UTP20: variants seen among roughly 807,000 people sequenced by gnomAD.
UTP20 encodes small subunit processome component 20 homolog.
Under a neutral mutation model 329.5 loss-of-function variants are expected in UTP20, and 164 were observed. The observed-to-expected ratio is 0.50, with a 90% CI of 0.44 to 0.57. The LOEUF (loss-of-function observed/expected upper bound fraction) is 0.57. UTP20 is among the 20% of genes least tolerant of loss of function. The probability of loss-of-function intolerance (pLI) is 0.00; values close to 1 mark genes in which losing one functional copy is unlikely to be tolerated. For missense variants in UTP20, 3,055 were observed against 3,284.2 expected, an observed-to-expected ratio of 0.93 and a Z score of 1.71; for synonymous variants, 1,151 against 1,159.3, an observed-to-expected ratio of 0.99 and a Z score of 0.14.
At chr12:101,314,984 T>C (rs1234868477) in intron 21 of UTP20, among the ~76,000 whole-genome samples, 3 of 151,990 alleles carry the variant, frequency 2.0e-5, no homozygotes, top group Admixed American at 6.6e-5. Flanking sequence ...TCCCAGCTAT[T>C]TGGGAGGCTG....
At position 101,383,053 on chromosome 12, in the gene UTP20, T is replaced by A; in HGVS notation, c.7669T>A (p.Leu2557Met). 1 of 1,593,240 alleles carries A rather than the reference T, an allele frequency of 6.3e-7. No individual in the cohort carries two copies. The change falls in exon 59 of 62, where the codon TTG becomes ATG. Residue 2557 changes from leucine (L) to methionine (M), a missense_variant. By Grantham distance (15) the Leu-to-Met change is conservative. Coordinates refer to ENST00000261637, the MANE Select transcript of UTP20 (RefSeq NM_014503.3). ...QSLGEQVVKN[L>M]LFAAKVLYLL... ...TTTTTTTTTAAAGGTTGTTAAGAAT[T>A]TGTTGTTCGCAGCCAAAGTCTTGTA...
intron 5 of UTP20, among the ~76,000 whole-genome samples, chr12:101,288,701 C>T (rs1272255118): frequency 6.6e-6 from 1 of 152,184 alleles, no homozygotes; most frequent in Non-Finnish European, 1.5e-5. Flanking sequence ...TCATTCAGAG[C>T]TCATTACAAA....
At chr12:101,313,769 G>C (rs1872873793) in intron 21 of UTP20, among the ~76,000 whole-genome samples, 1 of 151,878 alleles carries the variant, frequency 6.6e-6, no homozygotes, top group Admixed American at 6.6e-5. Context: ...GGGAGGGACA[G>C]AATCAAGGAT....
Position 101,338,064 on chromosome 12 carries a change from C to T in UTP20, c.3655C>T (p.Leu1219=). Residue 1219 remains leucine, a synonymous_variant, in exon 30 of 62, where the codon CTG becomes TTG. Coordinates refer to ENST00000261637, the MANE Select transcript of UTP20 (RefSeq NM_014503.3). ...WSRNARYFPL[L]AKQKPGHPEC... is the part of the protein sequence containing the mutation. The stretch of plus-strand genomic sequence containing the variant: ...TTTTTCTTCCAGATATTTCCCTTTG[C>T]TGGCTAAACAGAAGCCTGGGCACCC... The T allele has an allele frequency of 1.9e-6, 3 of 1,614,084 alleles. No individual in the cohort carries two copies. The highest frequency in any genetic ancestry group is 2.5e-6 in the Non-Finnish European group (3 of 1,179,978).
chr12:101,295,871 A>G (rs1038793737), intron 12 of UTP20, among the ~76,000 whole-genome samples: 2 of 152,226 alleles, frequency 1.3e-5, no homozygotes, highest in African/African-American at 4.8e-5. Context: ...GAACATAGAA[A>G]AACATGTGGA....
In UTP20 at chr12:101,379,483, G is replaced by T; in HGVS notation, c.7509G>T (p.Trp2503Cys). ...AGCCAGAGGAGCTTATTCAAAAATG[G>T]AATACCAAAAAGACCAAAAAACACC... ...SCQPEELIQK[W>C]NTKKTKKHLP... The change falls in exon 57 of 62, where the codon TGG becomes TGT. Residue 2503 changes from tryptophan to cysteine, a missense_variant. Physicochemically the swap from Trp to Cys is radical, Grantham distance 215. Transcript: ENST00000261637. 1 of 1,614,062 alleles carries T rather than the reference G, an allele frequency of 6.2e-7. No individual in the cohort carries two copies. The highest frequency in any genetic ancestry group is 8.5e-7 in the Non-Finnish European group (1 of 1,179,982).
In UTP20 at chr12:101,366,517, A is replaced by G. The variant is rs765890195; in HGVS notation, c.6126-41A>G. Reference sequence around the variant, plus strand: ...ACTCTAACTTCTTGGAATGCAGCTGACAGTGTTCTTTACCCTCTTCTCATG... The same window carrying G: ...ACTCTAACTTCTTGGAATGCAGCTGGCAGTGTTCTTTACCCTCTTCTCATG... On this transcript the variant is annotated intron_variant, in intron 46 of 61. Transcript: ENST00000261637. 3.8e-6 allele frequency: 6 copies of G among 1,577,718 alleles called. No individual in the cohort carries two copies. In the South Asian group the frequency reaches 6.9e-5, roughly 18 times the overall value.
chr12:101,341,243 G>T (rs1219876711), intron 32 of UTP20, among the ~76,000 whole-genome samples: 1 of 152,082 alleles, frequency 6.6e-6, no homozygotes, highest in African/African-American at 2.4e-5. Context: ...CTCCCAAAGT[G>T]CTGGGATTAC....
At chr12:101,312,488 CA>C (rs1224805498) in intron 21 of UTP20, among the ~76,000 whole-genome samples, 2 of 152,128 alleles carry the variant, frequency 1.3e-5, no homozygotes, top group Non-Finnish European at 2.9e-5. Flanking sequence ...TCTTGTTGCC[CA>C]GGGGTGCAGT....
intron 15 of UTP20, among the ~76,000 whole-genome samples, chr12:101,304,445 T>C (rs887237071): frequency 2.6e-5 from 4 of 152,210 alleles, no homozygotes; most frequent in African/African-American, 9.6e-5. Flanking sequence ...AATTCCATGA[T>C]GTGTGGGTAC....
rs1170048931 is a variant in UTP20, at chr12:101,383,600, G to A, written c.7987G>A (p.Val2663Ile). The change falls in exon 60 of 62, where the codon GTA becomes ATA. Residue 2663 changes from valine to isoleucine, a missense_variant. Coordinates refer to ENST00000261637, the MANE Select transcript of UTP20 (RefSeq NM_014503.3). ...AVAMDLGIDK[V>I]KPYLPMIIAP... ...AGCAATGGATCTTGGGATAGACAAG[G>A]TAAAGCCGTATCTCCCAATGATCAT... is the stretch of plus-strand genomic sequence containing the variant. The A allele has an allele frequency of 6.2e-7, 1 of 1,613,734 alleles. No individual in the cohort carries two copies. Among genetic ancestry groups the A allele is most frequent in the Non-Finnish European group, 8.5e-7 (1 of 1,179,878 alleles).
intron 33 of UTP20, 65 bp from the exon 34 acceptor site, chr12:101,342,722 G>T: frequency 6.4e-7 from 1 of 1,554,480 alleles, no homozygotes; most frequent in Non-Finnish European, 8.8e-7. Flanking sequence ...AGGTAGCTGA[G>T]GGGAGGAGGG....
chr12:101,290,845 A>G lies in UTP20; in HGVS notation c.848A>G (p.Tyr283Cys). ...LKNMVKSTVSYISKEHFGTFF... is the reference protein window; with the variant it reads ...LKNMVKSTVSCISKEHFGTFF... ...AACATGGTCAAATCCACTGTATCCT[A>G]CATCTCCAAGGAACATTTTGGTACA... Residue 283 changes from tyrosine to cysteine, a missense_variant, in exon 8 of 62, where the codon TAC (tyrosine) becomes TGC (cysteine). By Grantham distance (194) the Tyr-to-Cys change is radical. Coordinates refer to ENST00000261637, the MANE Select transcript of UTP20 (RefSeq NM_014503.3). The G allele has an allele frequency of 2.5e-6, 4 of 1,613,852 alleles. No homozygotes were observed. Among genetic ancestry groups the G allele is most frequent in the Middle Eastern group, 1.7e-4 (1 of 6,054 alleles).
intron 61 of UTP20, 78 bp from the exon 62 acceptor site, chr12:101,385,890 C>T: frequency 6.9e-7 from 1 of 1,452,590 alleles, no homozygotes; most frequent in Non-Finnish European, 9.2e-7. Flanking sequence ...GTGTTTTTTA[C>T]ATTTATTTCT....
At chr12:101,309,890 A>T in intron 19 of UTP20, 51 bp downstream of exon 19, 1 of 1,505,590 alleles carries the variant, frequency 6.6e-7, no homozygotes, top group Non-Finnish European at 9.2e-7. Context: ...CTACTGCAGA[A>T]TGATGGGGCC....
At chr12:101,293,327 CTGTT>C (rs1872234607) in intron 11 of UTP20, 82 bp downstream of exon 11, 1 of 1,351,902 alleles carries the variant, frequency 7.4e-7, no homozygotes, top group Non-Finnish European at 1.0e-6. Context: ...CCTGTTATTT[CTGTT>C]TGTTTTTTGA....
Position 101,317,475 on chromosome 12 carries a change from T to C in UTP20, c.2553-3T>C, listed in dbSNP as rs754909271. 6.2e-7 allele frequency: 1 copy of C among 1,613,560 alleles called. No homozygotes were observed. The highest frequency in any genetic ancestry group is 8.5e-7 in the Non-Finnish European group (1 of 1,179,726). ...GTATCCTGTGACTTTCTTTCCACGG[T>C]AGCAATGAGTATTACCCAGCAGATC... is the stretch of plus-strand genomic sequence containing the variant. On this transcript the variant is annotated splice_polypyrimidine_tract_variant and splice_region_variant and intron_variant, in intron 21 of 61. Transcript: ENST00000261637.
chr12:101,285,799 G>C lies in UTP20; in HGVS notation c.244G>C (p.Val82Leu), dbSNP rs762468305. 6.2e-7 allele frequency: 1 copy of C among 1,613,722 alleles called. No individual in the cohort carries two copies. The highest frequency in any genetic ancestry group is 8.5e-7 in the Non-Finnish European group (1 of 1,179,892). Residue 82 changes from valine to leucine, a missense_variant, in exon 4 of 62, where the codon GTG becomes CTG. Physicochemically the swap from Val to Leu is conservative, Grantham distance 32 (BLOSUM62 1). Transcript: ENST00000261637. ...IDKCQSFNQL[V>L]YHQNEIVQSL... The stretch of plus-strand genomic sequence containing the variant: ...CAAATGCCAATCATTCAATCAGTTG[G>C]TGTATCACCAAAACGAGATAGTTCA...
chr12:101,346,487 A>C lies in UTP20; in HGVS notation c.4783A>C (p.Lys1595Gln). The C allele has an allele frequency of 1.9e-6, 3 of 1,609,656 alleles. No homozygotes were observed. Among genetic ancestry groups the C allele is most frequent in the Non-Finnish European group, 2.5e-6 (3 of 1,178,402 alleles). Residue 1595 changes from lysine to glutamine, a missense_variant, in exon 38 of 62, where the codon AAA (lysine) becomes CAA (glutamine). Transcript: ENST00000261637. ...RRARALKKLA[K>Q]QLMEGKVVLS... is the part of the protein sequence containing the mutation. ...AGCAAGAGCCTTGAAGAAACTTGCA[A>C]AACAACTAATGGAAGGCAAAGTTGT...
Sources: allele counts gnomAD v4.1 joint callset (sites outside exome capture counted in the v4.1 genomes callset), GRCh38; gene constraint gnomAD v4.1.1; transcripts MANE v1.5; gene names NCBI Gene and HGNC (gene_info 2026-07-23, HGNC 2026-07-21).